Variants in TOX observed in about 807,000 individuals in gnomAD.
TOX encodes the protein thymocyte selection-associated high mobility group box protein TOX.
TOX carries 11 observed loss-of-function variants against 53.7 expected under a neutral mutation model. That is an observed-to-expected ratio of 0.20 (90% CI 0.13 to 0.34). TOX has a LOEUF of 0.34. TOX is among the 10% of genes least tolerant of loss of function. The probability of loss-of-function intolerance (pLI) is 1.00; values close to 1 mark genes in which losing one functional copy is unlikely to be tolerated. For synonymous variants in TOX, 225 were observed against 245.3 expected (o/e 0.92, Z 0.77); for missense variants, 570 against 664.6 (o/e 0.86, Z 1.56).
chr8:58,957,122 C>T (rs2129178190), intron 2 of TOX, among the ~76,000 whole-genome samples: 1 of 152,294 alleles, frequency 6.6e-6, no homozygotes, highest in Middle Eastern at 3.4e-3. Context: ...CCCACAAACT[C>T]TTAACGGGAC....
intron 3 of TOX, among the ~76,000 whole-genome samples, chr8:58,891,606 G>A (rs1265696267): frequency 1.3e-5 from 2 of 152,176 alleles, no homozygotes; most frequent in African/African-American, 4.8e-5. Context: ...AGGGGAACAG[G>A]TGAAAACAGA....
chr8:58,990,390 G>C (rs1408472751), intron 1 of TOX, among the ~76,000 whole-genome samples: 2 of 150,898 alleles, frequency 1.3e-5, no homozygotes, highest in African/African-American at 4.9e-5. Context: ...TTCTTTTTTT[G>C]TTTCTGTTAT....
chr8:58,824,628 AG>A (rs2129165630), intron 6 of TOX, among the ~76,000 whole-genome samples: 1 of 152,342 alleles, frequency 6.6e-6, no homozygotes, highest in South Asian at 2.1e-4. Flanking sequence ...ACCTCTTTAA[AG>A]AGGTCTTTGC....
chr8:59,054,681 C>A (rs1263454857), intron 1 of TOX, among the ~76,000 whole-genome samples: 13 of 151,802 alleles, frequency 8.6e-5, no homozygotes, highest in African/African-American at 2.9e-4. Flanking sequence ...GTTTCCTCGC[C>A]ACAAACCAAA....
rs914345157 is a variant in TOX at position 58,806,557 on chromosome 8, G to A, written c.*1190C>T. On this transcript the variant is annotated 3_prime_UTR_variant, in exon 9 of 9. Transcript: ENST00000361421. ...ACTTGGAGGGCAATTCTGTTATGTC[G>A]TATGAAGAAATAAAGTTCTTAAATA... is the stretch of plus-strand genomic sequence containing the variant. The A allele has an allele frequency of 2.0e-5, 3 of 152,372 alleles. No individual in the cohort carries two copies. The highest frequency in any genetic ancestry group is 4.8e-5 in the African/African-American group (2 of 41,384). The allele number at this position is 152,372 out of a possible 1,614,324, so 9.4% of individuals were successfully genotyped here.
At chr8:59,060,984 T>G (rs1474885159) in intron 1 of TOX, among the ~76,000 whole-genome samples, 1 of 152,232 alleles carries the variant, frequency 6.6e-6, no homozygotes, top group Non-Finnish European at 1.5e-5. Context: ...GATCTTTTCC[T>G]GCTGAATGTT....
At chr8:58,975,692 G>A (rs1813084066) in intron 1 of TOX, among the ~76,000 whole-genome samples, 1 of 152,178 alleles carries the variant, frequency 6.6e-6, no homozygotes, top group South Asian at 2.1e-4. Context: ...CTTTTTGCTG[G>A]TGGAGGGTCT....
At chr8:58,872,841 G>T (rs1811220449) in intron 3 of TOX, among the ~76,000 whole-genome samples, 1 of 152,060 alleles carries the variant, frequency 6.6e-6, no homozygotes, top group Admixed American at 6.6e-5. Flanking sequence ...GAAAAGCTGA[G>T]GAAATACAAA....
intron 1 of TOX, among the ~76,000 whole-genome samples, chr8:58,995,143 C>G (rs113695062): frequency 0.019 from 2,848 of 152,262 alleles, 103 homozygotes; most frequent in African/African-American, 0.065. Context: ...TATCTTCTGC[C>G]ACTAACTTTA....
chr8:59,003,757 T>C (rs1224324981), intron 1 of TOX, among the ~76,000 whole-genome samples: 2 of 152,242 alleles, frequency 1.3e-5, no homozygotes, highest in Admixed American at 1.3e-4. Flanking sequence ...AACCTTGATG[T>C]ATTTTCCTTT....
At chr8:58,958,098 T>C (rs902491114) in intron 2 of TOX, among the ~76,000 whole-genome samples, 2 of 152,200 alleles carry the variant, frequency 1.3e-5, no homozygotes, top group African/African-American at 4.8e-5. Flanking sequence ...TAAGTGTTTA[T>C]TTCTGGATCA....
chr8:58,817,519 A>G (rs1476221861), intron 6 of TOX, among the ~76,000 whole-genome samples: 1 of 152,222 alleles, frequency 6.6e-6, no homozygotes, highest in African/African-American at 2.4e-5. Context: ...GTAAACAGTG[A>G]CTACTTCCAC....
At chr8:58,871,287 G>C (rs1413421632) in intron 3 of TOX, among the ~76,000 whole-genome samples, 2 of 152,060 alleles carry the variant, frequency 1.3e-5, no homozygotes, top group African/African-American at 2.4e-5. Flanking sequence ...AGCAAAGGGG[G>C]CTTTTTTAGG....
intron 1 of TOX, among the ~76,000 whole-genome samples, chr8:59,041,439 C>T (rs958195177): frequency 3.3e-5 from 5 of 152,186 alleles, no homozygotes; most frequent in Non-Finnish European, 5.9e-5. Context: ...TATTTAATCT[C>T]AACCTCTATG....
At chr8:59,058,623 A>C (rs1045425821) in intron 1 of TOX, among the ~76,000 whole-genome samples, 8 of 152,220 alleles carry the variant, frequency 5.3e-5, no homozygotes, top group Non-Finnish European at 1.2e-4. Flanking sequence ...CCTAAGTGCG[A>C]GCCCTGTGAC....
intron 1 of TOX, among the ~76,000 whole-genome samples, chr8:59,113,734 G>C (rs963884678): frequency 3.9e-5 from 6 of 152,066 alleles, no homozygotes; most frequent in Non-Finnish European, 7.4e-5. Flanking sequence ...CTGGGAAATG[G>C]GTAACTGGGA....
chr8:58,860,481 T>G (rs995631316), intron 3 of TOX, among the ~76,000 whole-genome samples: 2 of 152,186 alleles, frequency 1.3e-5, no homozygotes, highest in Non-Finnish European at 1.5e-5. Context: ...AAAACATGAC[T>G]GTGAGGATTA....
At chr8:58,928,849 T>C (rs996070191) in intron 3 of TOX, among the ~76,000 whole-genome samples, 9 of 152,160 alleles carry the variant, frequency 5.9e-5, no homozygotes, top group African/African-American at 2.2e-4. Context: ...AACCATTAGT[T>C]ACATCTACTG....
intron 1 of TOX, among the ~76,000 whole-genome samples, chr8:58,967,792 T>C (rs1194598627): frequency 6.6e-6 from 1 of 152,168 alleles, no homozygotes; most frequent in South Asian, 2.1e-4. Context: ...TTGCTTACTT[T>C]CCCCTCACTC....
Sources: allele counts gnomAD v4.1 joint callset (sites outside exome capture counted in the v4.1 genomes callset), GRCh38; gene constraint gnomAD v4.1.1; transcripts MANE v1.5; gene names NCBI Gene and HGNC (gene_info 2026-07-23, HGNC 2026-07-21).